The following VPS8 variants were observed in gnomAD, a reference collection of about 807,000 sequenced individuals.
The protein encoded by VPS8 is vacuolar protein sorting-associated protein 8 homolog.
In VPS8, 129 loss-of-function variants were observed where a neutral mutation model predicts 216.4. That is an observed-to-expected ratio of 0.60 (90% CI 0.52 to 0.69). The LOEUF is 0.69. VPS8 is among the 30% of genes least tolerant of loss of function. The pLI, the probability that VPS8 is intolerant of heterozygous loss-of-function variation, is 0.00. For missense variants in VPS8, 1,531 were observed against 1,683.5 expected, an observed-to-expected ratio of 0.91 and a Z score of 1.59; for synonymous variants, 571 against 565.4, an observed-to-expected ratio of 1.01 and a Z score of -0.14.
chr3:184,885,128 A>T (rs1421934596), intron 21 of VPS8, among the ~76,000 whole-genome samples: 1 of 152,214 alleles, frequency 6.6e-6, no homozygotes, highest in Non-Finnish European at 1.5e-5. Flanking sequence ...TTAGGATTGT[A>T]GGTCCTTCTT....
intron 8 of VPS8, 127 bp from the exon 9 acceptor site, chr3:184,848,944 G>T (rs1019551028): frequency 4.6e-5 from 42 of 922,146 alleles, no homozygotes; most frequent in East Asian, 6.2e-5. Context: ...ATTTAAAAAT[G>T]AATGTGACTT....
At chr3:184,999,398 C>T (rs1298553472) in intron 44 of VPS8, among the ~76,000 whole-genome samples, 10 of 152,158 alleles carry the variant, frequency 6.6e-5, no homozygotes, top group Non-Finnish European at 1.3e-4. Flanking sequence ...AAATACTATC[C>T]GGATTTCATA....
intron 11 of VPS8, among the ~76,000 whole-genome samples, chr3:184,852,988 G>A (rs953253662): frequency 4.6e-5 from 7 of 152,106 alleles, no homozygotes; most frequent in Admixed American, 4.6e-4. Context: ...GAACATTTAG[G>A]AAGCAGAGTT....
At chr3:184,843,318 AT>A (rs1722531087) in intron 8 of VPS8, 73 bp downstream of exon 8, 1 of 1,112,250 alleles carries the variant, frequency 9.0e-7, no homozygotes, top group South Asian at 2.3e-5. Context: ...AATGCTACCA[AT>A]TATAGTCAAT....
rs59957370 is a variant in VPS8 at position 184,875,822 on chromosome 3, C to CAA, written c.1734+5034_1734+5035dup. Among the ~76,000 whole-genome samples, 60 of 72,488 alleles carry CAA rather than the reference C, an allele frequency of 8.3e-4. 1 individual carries two copies. Among genetic ancestry groups the CAA allele is most frequent in the South Asian group, 5.2e-3 (13 of 2,478 alleles). The allele number at this position is 72,488 out of a possible 152,430, so 47.6% of individuals were successfully genotyped here. On this transcript the variant is annotated intron_variant, in intron 21 of 47. Transcript: ENST00000625842. ...GCAACATAGTGAAACCTTGTCTCTACAAAAAAAAAAAAAAAAAATTAGCTG... is the reference window on the plus strand; with the variant it reads ...GCAACATAGTGAAACCTTGTCTCTACAAAAAAAAAAAAAAAAAAAATTAGCTG...
chr3:185,031,131 C>T (rs1027403411), intron 46 of VPS8, among the ~76,000 whole-genome samples: 6 of 132,782 alleles, frequency 4.5e-5, no homozygotes, highest in African/African-American at 1.5e-4. Flanking sequence ...TCCATAACAA[C>T]CAGAAAAGCT....
At chr3:184,992,693 A>G (rs558012602) in intron 42 of VPS8, among the ~76,000 whole-genome samples, 74 of 152,272 alleles carry the variant, frequency 4.9e-4, no homozygotes, top group African/African-American at 1.7e-3. Context: ...TGGCATGGAA[A>G]AGAGTCATTT....
At chr3:184,841,280 T>C (rs11710551) in intron 7 of VPS8, among the ~76,000 whole-genome samples, 34,247 of 152,042 alleles carry the variant, frequency 0.23, 4,791 homozygotes, top group East Asian at 0.63. Context: ...TGTAATCTTT[T>C]AGTCTTTTTT....
In VPS8 at chr3:184,928,440, T is replaced by A; in HGVS notation, c.2632-11T>A. On this transcript the variant is annotated splice_polypyrimidine_tract_variant and intron_variant, in intron 31 of 47. Coordinates refer to ENST00000625842, the MANE Select transcript of VPS8 (RefSeq NM_001009921.3). ...CTCAAGTGTTTTTACTCATTTATTG[T>A]AAATACTCAGGTCCTTTTAGAATTG... 6.5e-7 allele frequency: 1 copy of A among 1,532,568 alleles called. No individual in the cohort carries two copies. The highest frequency in any genetic ancestry group is 8.7e-7 in the Non-Finnish European group (1 of 1,151,850). The allele number at this position is 1,532,568 out of a possible 1,614,324, so 94.9% of individuals were successfully genotyped here.
chr3:184,925,712 A>G (rs1353198130), intron 30 of VPS8, among the ~76,000 whole-genome samples: 1 of 152,054 alleles, frequency 6.6e-6, no homozygotes, highest in African/African-American at 2.4e-5. Flanking sequence ...CGTATCAGGA[A>G]ACTTAAAGTT....
chr3:184,861,180 A>G (rs1441314294), intron 15 of VPS8, among the ~76,000 whole-genome samples: 1 of 152,014 alleles, frequency 6.6e-6, no homozygotes, highest in African/African-American at 2.4e-5. Flanking sequence ...TTCTCTCTCA[A>G]ATGGTTCGTT....
At chr3:184,982,911 C>T (rs1370535643) in intron 41 of VPS8, 101 bp from the exon 42 acceptor site, 26 of 1,092,728 alleles carry the variant, frequency 2.4e-5, no homozygotes, top group South Asian at 4.2e-5. Flanking sequence ...AGCTAAGTTT[C>T]TAAGAAGCTA....
At chr3:184,858,306 G>A (rs1174602702) in intron 14 of VPS8, among the ~76,000 whole-genome samples, 1 of 152,044 alleles carries the variant, frequency 6.6e-6, no homozygotes, top group Non-Finnish European at 1.5e-5. Context: ...TTACACAAGG[G>A]AACTTCAAAA....
chr3:184,863,786 A>G (rs1367385248), intron 16 of VPS8, among the ~76,000 whole-genome samples: 6 of 152,084 alleles, frequency 3.9e-5, no homozygotes, highest in Admixed American at 3.3e-4. Context: ...TCCTTGGATA[A>G]TTTTTTGAAA....
chr3:185,034,162 T>C (rs1372988726), intron 46 of VPS8, among the ~76,000 whole-genome samples: 2 of 152,192 alleles, frequency 1.3e-5, no homozygotes, highest in Non-Finnish European at 2.9e-5. Flanking sequence ...TCTGTTCCTG[T>C]GTAATTTGCT....
intron 17 of VPS8, among the ~76,000 whole-genome samples, chr3:184,867,488 T>A (rs1029982748): frequency 5.3e-5 from 8 of 152,166 alleles, no homozygotes; most frequent in African/African-American, 1.4e-4. Flanking sequence ...GGGCTTTCCT[T>A]GCTTCTTGTC....
intron 25 of VPS8, among the ~76,000 whole-genome samples, chr3:184,910,195 G>A (rs1159256856): frequency 2.1e-5 from 3 of 145,942 alleles, no homozygotes; most frequent in East Asian, 4.0e-4. Flanking sequence ...CTGCAGTGGC[G>A]CTATCTCGGC....
At chr3:185,034,745 T>C (rs1758652554) in intron 46 of VPS8, among the ~76,000 whole-genome samples, 1 of 152,162 alleles carries the variant, frequency 6.6e-6, no homozygotes. Flanking sequence ...ATTTTTGCAT[T>C]TGTTGCAATT....
intron 45 of VPS8, among the ~76,000 whole-genome samples, chr3:185,007,170 A>G (rs1453413453): frequency 6.6e-6 from 1 of 152,286 alleles, no homozygotes; most frequent in East Asian, 1.9e-4. Flanking sequence ...TTCTTTCCTT[A>G]TCTCCCCCTC....
Sources: gnomAD v4.1 joint callset for allele counts (sites outside exome capture counted in the v4.1 genomes callset) on GRCh38, gnomAD v4.1.1 for gene constraint, MANE v1.5 for transcripts, NCBI Gene and HGNC (gene_info 2026-07-23, HGNC 2026-07-21) for gene names.